TNNI3K: variants seen among roughly 807,000 people sequenced by gnomAD.
TNNI3K encodes serine/threonine-protein kinase TNNI3K.
TNNI3K carries 140 observed loss-of-function variants against 114.5 expected under a neutral mutation model. The ratio of observed to expected loss-of-function variants is 1.22; its 90% confidence interval spans 1.07 to 1.41. The LOEUF is 1.41. TNNI3K is among the 40% of genes most tolerant of loss of function. The probability of loss-of-function intolerance (pLI) is 0.00; values close to 1 mark genes in which losing one functional copy is unlikely to be tolerated. For synonymous variants in TNNI3K, 347 were observed against 347.5 expected, an observed-to-expected ratio of 1.00 and a Z score of 0.02; for missense variants, 1,125 against 1,007.6, an observed-to-expected ratio of 1.12 and a Z score of -1.58.
intron 21 of TNNI3K, chr1:74,469,986 C>T: frequency 2.5e-6 from 1 of 400,658 alleles, no homozygotes; most frequent in Non-Finnish European, 4.4e-6. Flanking sequence ...GAACTAAAAA[C>T]ACCTCATTTT....
intron 23 of TNNI3K, among the ~76,000 whole-genome samples, chr1:74,508,736 G>C (rs1304979665): frequency 6.6e-6 from 1 of 152,194 alleles, no homozygotes; most frequent in African/African-American, 2.4e-5. Context: ...AGGGTGCTTT[G>C]CTGATAACAT....
rs760453042 is a variant in TNNI3K, at chr1:74,367,942, G to A, written c.1299G>A (p.Gly433=). The change falls in exon 13 of 25, where the codon GGG becomes GGA. Residue 433 remains glycine, a synonymous_variant. Transcript: ENST00000326637. ...GSYVSVPSPL[G]KIKSMTKEKA... is the part of the protein sequence containing the mutation. ...ATGTGTCTGTTCCATCACCCTTGGG[G>A]AAGATTAAAAGCATGACAAAAGGTA... The A allele has an allele frequency of 7.0e-6, 11 of 1,570,418 alleles. No individual in the cohort carries two copies. Among genetic ancestry groups the A allele is most frequent in the South Asian group, 2.4e-5 (2 of 81,932 alleles).
At chr1:74,286,060 A>G (rs1657316087) in intron 5 of TNNI3K, among the ~76,000 whole-genome samples, 1 of 152,234 alleles carries the variant, frequency 6.6e-6, no homozygotes, top group Admixed American at 6.5e-5. Context: ...TGGCATCTGA[A>G]TGGAGCAGAG....
At position 74,318,491 on chromosome 1, in the gene TNNI3K, T is replaced by C. The variant is rs78163647; in HGVS notation, c.445-12959T>C. On this transcript the variant is annotated intron_variant, in intron 5 of 24. Transcript: ENST00000326637. ...TTCGAATTAGATTTTAAGAATGGATTGAATTTGGCGGGCACATGCTCTGTG... is the reference window on the plus strand; with the variant it reads ...TTCGAATTAGATTTTAAGAATGGATCGAATTTGGCGGGCACATGCTCTGTG... Among the ~76,000 whole-genome samples the C allele has an allele frequency of 8.0e-3, 1,218 of 152,300 alleles. 17 individuals are homozygous for C. Among genetic ancestry groups the C allele is most frequent in the African/African-American group, 0.028 (1,161 of 41,578 alleles).
At chr1:74,459,231 T>G (rs1234788937) in intron 20 of TNNI3K, among the ~76,000 whole-genome samples, 1 of 152,196 alleles carries the variant, frequency 6.6e-6, no homozygotes, top group East Asian at 1.9e-4. Flanking sequence ...AGGGAAATAA[T>G]GCATACCTTT....
At chr1:74,336,281 C>A in intron 7 of TNNI3K, 132 bp downstream of exon 7, 1 of 1,144,670 alleles carries the variant, frequency 8.7e-7, no homozygotes, top group Non-Finnish European at 1.2e-6. Flanking sequence ...CTCCACAAGT[C>A]ATAATTCATC....
intron 23 of TNNI3K, among the ~76,000 whole-genome samples, chr1:74,527,807 G>C (rs1373432682): frequency 6.6e-6 from 1 of 152,190 alleles, no homozygotes; most frequent in Non-Finnish European, 1.5e-5. Flanking sequence ...ATTGGACAGG[G>C]CTGAGTAAGG....
chr1:74,326,815 A>G (rs1211590893), intron 5 of TNNI3K, among the ~76,000 whole-genome samples: 4 of 152,108 alleles, frequency 2.6e-5, no homozygotes, highest in African/African-American at 9.7e-5. Flanking sequence ...TCTAAAAAGA[A>G]AAAGCAGGCT....
chr1:74,289,077 A>G (rs1657504065), intron 5 of TNNI3K, among the ~76,000 whole-genome samples: 1 of 151,672 alleles, frequency 6.6e-6, no homozygotes. Flanking sequence ...AAAAATAAAT[A>G]TTAAAAAAAT....
chr1:74,502,683 T>C (rs1182530825), intron 23 of TNNI3K, among the ~76,000 whole-genome samples: 1 of 152,234 alleles, frequency 6.6e-6, no homozygotes, highest in Non-Finnish European at 1.5e-5. Context: ...CAATAGCCTT[T>C]GATTGGAGGG....
At chr1:74,337,267 T>C (rs1017237145) in intron 7 of TNNI3K, among the ~76,000 whole-genome samples, 1 of 151,786 alleles carries the variant, frequency 6.6e-6, no homozygotes. Context: ...GTCAGATGAG[T>C]AGGTTGCGAA....
At chr1:74,399,301 G>A (rs572640321) in intron 17 of TNNI3K, among the ~76,000 whole-genome samples, 40 of 151,926 alleles carry the variant, frequency 2.6e-4, no homozygotes, top group Non-Finnish European at 4.7e-4. Context: ...GTGAACTCCC[G>A]TATTTAGGTA....
intron 9 of TNNI3K, among the ~76,000 whole-genome samples, chr1:74,350,068 T>A (rs1379252444): frequency 1.3e-5 from 2 of 152,180 alleles, no homozygotes; most frequent in Non-Finnish European, 2.9e-5. Context: ...GATGTTAGGG[T>A]GTCAATTTTA....
At chr1:74,429,681 G>A (rs1665802167) in intron 17 of TNNI3K, among the ~76,000 whole-genome samples, 1 of 152,086 alleles carries the variant, frequency 6.6e-6, no homozygotes, top group Non-Finnish European at 1.5e-5. Context: ...GGAAGACCAG[G>A]ACTCCTTAGC....
intron 20 of TNNI3K, among the ~76,000 whole-genome samples, chr1:74,448,145 G>T (rs1666788955): frequency 9.3e-6 from 1 of 106,996 alleles, no homozygotes; most frequent in Non-Finnish European, 1.8e-5. Context: ...AGCATTGGGA[G>T]ATATACCTAA....
rs1477671233 is a variant in TNNI3K, at chr1:74,540,289, C to G, written c.2407C>G (p.Gln803Glu). 6.2e-7 allele frequency: 1 copy of G among 1,612,196 alleles called. No homozygotes were observed. Among genetic ancestry groups the G allele is most frequent in the South Asian group, 1.1e-5 (1 of 90,924 alleles). ...TTTGGAGGAGATGAAAAGAAGTCTT[C>G]AATACACACCCATTGACAAATATGG... ...LSLEEMKRSL[Q>E]YTPIDKYGYV... is the part of the protein sequence containing the mutation. Residue 803 changes from glutamine to glutamate, a missense_variant, in exon 24 of 25, where the codon CAA becomes GAA. By Grantham distance (29) the Gln-to-Glu change is conservative (BLOSUM62 2). Transcript: ENST00000326637.
chr1:74,240,086 AT>A (rs1162862444), intron 2 of TNNI3K: 8 of 371,770 alleles, frequency 2.2e-5, no homozygotes, highest in African/African-American at 1.7e-4. Flanking sequence ...CTTTATCAAC[AT>A]AACAGCACTT....
chr1:74,316,129 A>G (rs1464964865), intron 5 of TNNI3K, among the ~76,000 whole-genome samples: 1 of 152,222 alleles, frequency 6.6e-6, no homozygotes, highest in Non-Finnish European at 1.5e-5. Flanking sequence ...TTAATGGTGA[A>G]TAAAATCGCA....
At chr1:74,334,199 T>G (rs2100420494) in intron 6 of TNNI3K, among the ~76,000 whole-genome samples, 1 of 152,354 alleles carries the variant, frequency 6.6e-6, no homozygotes, top group East Asian at 1.9e-4. Context: ...ATATAGCTGA[T>G]AAGTAGAAGA....
Sources: gnomAD v4.1 joint callset for allele counts (sites outside exome capture counted in the v4.1 genomes callset) on GRCh38, gnomAD v4.1.1 for gene constraint, MANE v1.5 for transcripts, NCBI Gene and HGNC (gene_info 2026-07-23, HGNC 2026-07-21) for gene names.